Variants in BTG4 observed in about 807,000 individuals in gnomAD.
BTG4 encodes BTG anti-proliferation factor 4.
A neutral mutation model predicts 19.3 loss-of-function variants in BTG4; 10 were observed. The ratio of observed to expected loss-of-function variants is 0.52; its 90% CI spans 0.32 to 0.88. The LOEUF (loss-of-function observed/expected upper bound fraction) is 0.88. Among genes scored for constraint, BTG4 ranks in the 40% least tolerant of loss-of-function variants. The pLI, the probability that BTG4 is intolerant of heterozygous loss-of-function variation, is 0.04. For synonymous variants in BTG4, 91 were observed against 95.7 expected, an observed-to-expected ratio of 0.95 and a Z score of 0.29; for missense variants, 238 against 281.9, an observed-to-expected ratio of 0.84 and a Z score of 1.11.
the BTG4 span, among the ~76,000 whole-genome samples, chr11:111,438,247 A>G: frequency 1.4e-4 from 21 of 152,328 alleles, no homozygotes; most frequent in East Asian, 3.9e-3. Context: ...TGTGGGTTAG[A>G]CATCTGACTC....
chr11:111,454,436 G>C, the BTG4 span: 1 of 400,112 alleles, frequency 2.5e-6, no homozygotes, highest in Admixed American at 3.2e-5. Context: ...CTCTTCAGGA[G>C]AGTTGGTTAT....
At chr11:111,391,368 A>T in the BTG4 span, among the ~76,000 whole-genome samples, 1 of 152,198 alleles carries the variant, frequency 6.6e-6, no homozygotes, top group African/African-American at 2.4e-5. Context: ...ACAGGCAGGA[A>T]TTTAGCCAGG....
chr11:111,459,418 T>C, the BTG4 span, among the ~76,000 whole-genome samples: 1 of 152,226 alleles, frequency 6.6e-6, no homozygotes, highest in Non-Finnish European at 1.5e-5. Context: ...AATTCCCACT[T>C]GCTTCTTCCA....
chr11:111,410,145 C>G, the BTG4 span, among the ~76,000 whole-genome samples: 1 of 151,966 alleles, frequency 6.6e-6, no homozygotes, highest in Non-Finnish European at 1.5e-5. Context: ...CCTCAACTTC[C>G]TCATTTGTAA....
chr11:111,409,495 G>T, the BTG4 span, among the ~76,000 whole-genome samples: 1 of 152,172 alleles, frequency 6.6e-6, no homozygotes, highest in Admixed American at 6.5e-5. Context: ...GGTTTGGTCT[G>T]TCTTCCCATG....
chr11:111,436,808 A>G, the BTG4 span, among the ~76,000 whole-genome samples: 1 of 151,944 alleles, frequency 6.6e-6, no homozygotes, highest in Non-Finnish European at 1.5e-5. Flanking sequence ...CCACACACCC[A>G]GGCAAGGCGC....
At chr11:111,486,404 T>C (rs1173818187) in intron 5 of BTG4, among the ~76,000 whole-genome samples, 1 of 152,158 alleles carries the variant, frequency 6.6e-6, no homozygotes, top group African/African-American at 2.4e-5. Context: ...ACCCCTGCAC[T>C]CCAGCCTAGG....
At chr11:111,498,488 G>A (rs967429329) in intron 2 of BTG4, 116 bp downstream of exon 2, 4 of 879,020 alleles carry the variant, frequency 4.6e-6, no homozygotes, top group African/African-American at 1.7e-5. Flanking sequence ...AAATAAACTC[G>A]AGCCCATAAA....
chr11:111,511,894 T>G (rs1866953950), intron 1 of BTG4, among the ~76,000 whole-genome samples: 1 of 152,240 alleles, frequency 6.6e-6, no homozygotes, highest in African/African-American at 2.4e-5. Context: ...GTTTCTACTA[T>G]TCTAAATAGT....
At chr11:111,399,262 G>A in the BTG4 span, 1 of 152,176 alleles carries the variant, frequency 6.6e-6, no homozygotes, top group African/African-American at 2.4e-5. Flanking sequence ...TGGGCAATGT[G>A]AAAAATCCAG....
the BTG4 span, among the ~76,000 whole-genome samples, chr11:111,456,255 C>T: frequency 6.6e-4 from 100 of 152,276 alleles, no homozygotes; most frequent in African/African-American, 2.2e-3. This position sits in a 1 kb window ranked among gnomAD's most constrained non-coding sequence, Gnocchi z 4.2. Context: ...CCGTAGCCCC[C>T]CTGTAGGCTG....
chr11:111,437,746 A>T, the BTG4 span, among the ~76,000 whole-genome samples: 1 of 152,030 alleles, frequency 6.6e-6, no homozygotes, highest in African/African-American at 2.4e-5. Context: ...CCTAGGCGAC[A>T]CTCTGCAGTT....
the BTG4 span, chr11:111,404,514 G>C: frequency 2.2e-6 from 1 of 449,506 alleles, no homozygotes; most frequent in African/African-American, 2.0e-5. Context: ...CATGAAACAG[G>C]GGGCAGGGAA....
intron 5 of BTG4, chr11:111,469,871 A>G (rs546569221): frequency 1.2e-4 from 18 of 152,808 alleles, no homozygotes; most frequent in African/African-American, 4.1e-4. Flanking sequence ...TGACCAAAGC[A>G]TAAGTGCTAT....
At chr11:111,389,838 A>AT in the BTG4 span, among the ~76,000 whole-genome samples, 1 of 152,244 alleles carries the variant, frequency 6.6e-6, no homozygotes, top group Non-Finnish European at 1.5e-5. Flanking sequence ...CAATCACACC[A>AT]TAAAAAAACA....
At chr11:111,403,140 T>C in the BTG4 span, among the ~76,000 whole-genome samples, 30 of 152,208 alleles carry the variant, frequency 2.0e-4, no homozygotes, top group African/African-American at 6.8e-4. Flanking sequence ...CTGTGAGCTC[T>C]TAACTCGAGC....
At chr11:111,471,364 G>C (rs1037023044) in intron 5 of BTG4, among the ~76,000 whole-genome samples, 1 of 152,126 alleles carries the variant, frequency 6.6e-6, no homozygotes, top group Non-Finnish European at 1.5e-5. Context: ...AATGATGTCG[G>C]TAATCCAGAC....
downstream of BTG4, among the ~76,000 whole-genome samples, chr11:111,491,069 A>G (rs1865386400): frequency 2.0e-5 from 3 of 152,262 alleles, no homozygotes; most frequent in Non-Finnish European, 4.4e-5. Flanking sequence ...CAATACATGC[A>G]GCAACCTGGA....
chr11:111,394,834 T>C, the BTG4 span, among the ~76,000 whole-genome samples: 1 of 152,216 alleles, frequency 6.6e-6, no homozygotes, highest in African/African-American at 2.4e-5. Context: ...TACCAAGATA[T>C]GGTCCTATCT....
Sources: allele counts gnomAD v4.1 joint callset (sites outside exome capture counted in the v4.1 genomes callset), GRCh38; gene constraint gnomAD v4.1.1; non-coding constraint Gnocchi (gnomAD v3.1); transcripts MANE v1.5; gene names NCBI Gene and HGNC (gene_info 2026-07-23, HGNC 2026-07-21).